The following TINAG variants were observed in gnomAD, a reference collection of about 807,000 sequenced individuals.
TINAG encodes tubulointerstitial nephritis antigen.
TINAG carries 83 observed loss-of-function variants against 72.7 expected under a neutral mutation model. That is an observed-to-expected ratio of 1.14 (90% CI 0.96 to 1.37). The LOEUF is 1.37. Among genes scored for constraint, TINAG ranks in the 40% most tolerant of loss-of-function variants. The pLI is 0.00. For missense variants in TINAG, 685 were observed against 576.6 expected (o/e 1.19, Z -1.93); for synonymous variants, 234 against 189.9 (o/e 1.23, Z -1.91).
chr6:54,308,905 G>A lies in TINAG; in HGVS notation c.355G>A (p.Gly119Ser). Reference protein sequence around the residue: ...PPHTQPWYPEGCFKDGQHYEE... With the variant: ...PPHTQPWYPESCFKDGQHYEE... Reference sequence around the variant, plus strand: ...TCACACACAGCCTTGGTATCCAGAAGGTAGGCTTTGGGAATGTGTTTCAAC... The same window carrying A: ...TCACACACAGCCTTGGTATCCAGAAAGTAGGCTTTGGGAATGTGTTTCAAC... Residue 119 changes from glycine (G) to serine (S), a missense_variant and splice_region_variant, in exon 1 of 11, where the codon GGT becomes AGT. Coordinates refer to ENST00000259782, the MANE Select transcript of TINAG (RefSeq NM_014464.4). 1 of 1,598,948 alleles carries A rather than the reference G, an allele frequency of 6.3e-7. No homozygotes were observed. Among genetic ancestry groups the A allele is most frequent in the Non-Finnish European group, 8.5e-7 (1 of 1,172,812 alleles).
chr6:54,366,878 A>G (rs1763443154), intron 9 of TINAG: 1 of 151,666 alleles, frequency 6.6e-6, no homozygotes, highest in African/African-American at 2.4e-5. Flanking sequence ...GAGATAGAAT[A>G]TGACATATTA....
intron 9 of TINAG, among the ~76,000 whole-genome samples, chr6:54,360,818 T>C (rs955784848): frequency 8.9e-5 from 13 of 146,760 alleles, no homozygotes; most frequent in South Asian, 6.6e-4. Flanking sequence ...GTGCTTTGGT[T>C]TCTTGTGTTT....
Position 54,347,603 on chromosome 6 carries a change from C to A in TINAG, c.899+86C>A. 6.5e-6 allele frequency: 9 copies of A among 1,375,956 alleles called. No individual in the cohort carries two copies. The Admixed American group carries it at 1.5e-4, about 23-fold the overall frequency. 85.2% of individuals were successfully genotyped at this position (1,375,956 alleles called of 1,614,324 possible). A position where few individuals can be genotyped will look rare whatever the true frequency, so the allele number is the denominator to read the frequency against. The stretch of plus-strand genomic sequence containing the variant: ...AAGGAAAATAATCCCAAGATTTTTA[C>A]AAAAAAGTACTTAAAAATATATATA... On this transcript the variant is annotated intron_variant, in intron 6 of 10. Coordinates refer to ENST00000259782, the MANE Select transcript of TINAG (RefSeq NM_014464.4).
In TINAG at chr6:54,350,815, A is replaced by G. The variant is rs1785248223; in HGVS notation, c.1081-537A>G. 7.9e-5 allele frequency among the ~76,000 whole-genome samples: 12 copies of G among 151,640 alleles called. No homozygotes were observed. In the Admixed American group the frequency reaches 7.9e-4, roughly 10 times the overall value. On this transcript the variant is annotated intron_variant, in intron 7 of 10. Coordinates refer to ENST00000259782, the MANE Select transcript of TINAG (RefSeq NM_014464.4). ...CTTATTAAATAATAATGAAATTAGTAGTGTCATTCAACCAAAATGTAAATA... is the reference window on the plus strand; with the variant it reads ...CTTATTAAATAATAATGAAATTAGTGGTGTCATTCAACCAAAATGTAAATA...
At chr6:54,356,478 A>G (rs1291011911) in intron 9 of TINAG, among the ~76,000 whole-genome samples, 2 of 152,064 alleles carry the variant, frequency 1.3e-5, no homozygotes, top group East Asian at 1.9e-4. Context: ...TGGAGGTTGC[A>G]GTGAGCTTAA....
At chr6:54,372,215 C>T (rs1000502307) in intron 9 of TINAG, among the ~76,000 whole-genome samples, 3 of 151,896 alleles carry the variant, frequency 2.0e-5, no homozygotes, top group African/African-American at 7.3e-5. Flanking sequence ...TGATCTCGAA[C>T]TCCTGACCTC....
chr6:54,376,323 C>T (rs1297565996), intron 9 of TINAG, among the ~76,000 whole-genome samples: 6 of 151,972 alleles, frequency 3.9e-5, no homozygotes, highest in African/African-American at 1.4e-4. Flanking sequence ...AAATATATGT[C>T]TTCTTTGGGC....
chr6:54,309,562 T>G (rs1297586828), intron 1 of TINAG, among the ~76,000 whole-genome samples: 1 of 152,188 alleles, frequency 6.6e-6, no homozygotes, highest in Non-Finnish European at 1.5e-5. Context: ...GTTAAATGGA[T>G]AAATACAATA....
At chr6:54,386,945 G>T (rs912128481) in intron 10 of TINAG, among the ~76,000 whole-genome samples, 3 of 152,088 alleles carry the variant, frequency 2.0e-5, no homozygotes, top group Non-Finnish European at 4.4e-5. Flanking sequence ...CTATTTAAAA[G>T]ACAGTATTAT....
Position 54,357,670 on chromosome 6 carries a change from G to A in TINAG, c.1250+3034G>A, listed in dbSNP as rs77792551. ...CACAACCTCTTTTGGCCCTTTCAAC[G>A]TATATCCAGAACTCAACCACTGTTT... On this transcript the variant is annotated intron_variant, in intron 9 of 10. Transcript: ENST00000259782. 8.8e-3 allele frequency among the ~76,000 whole-genome samples: 1,336 copies of A among 151,726 alleles called. 28 individuals are homozygous for A. Among genetic ancestry groups the A allele is most frequent in the East Asian group, 0.052 (264 of 5,114 alleles).
At chr6:54,349,107 A>T (rs552840166) in intron 6 of TINAG, among the ~76,000 whole-genome samples, 219 of 152,040 alleles carry the variant, frequency 1.4e-3, no homozygotes, top group Admixed American at 4.0e-3. Context: ...TAGATAATAC[A>T]CATGTCTGAT....
rs568373152 is a variant in TINAG, at chr6:54,366,395, G to GT, written c.1250+11766dup. Among the ~76,000 whole-genome samples the GT allele has an allele frequency of 1.7e-4, 26 of 151,498 alleles. No homozygotes were observed. The East Asian group carries it at 4.5e-3, about 26-fold the overall frequency. On this transcript the variant is annotated intron_variant, in intron 9 of 10. Transcript: ENST00000259782. Reference sequence around the variant, plus strand: ...ATTCTTTAGGATAAAAACAAATGCAGTTTTTTTAATATCTAAAATTATATT... The same window carrying GT: ...ATTCTTTAGGATAAAAACAAATGCAGTTTTTTTTAATATCTAAAATTATATT...
Position 54,308,518 on chromosome 6 carries a change from CGG to C in TINAG, c.-32_-31del. The C allele has an allele frequency of 6.4e-7, 1 of 1,561,100 alleles. No homozygotes were observed. The highest frequency in any genetic ancestry group is 2.2e-5 in the East Asian group (1 of 44,624). Reference sequence around the variant, plus strand: ...ACAAGGCTAAGGGTATTGGATATAACGGAAAGTGGAAGCTATACCTGACTTCC... The same window carrying C: ...ACAAGGCTAAGGGTATTGGATATAACAAAGTGGAAGCTATACCTGACTTCC... On this transcript the variant is annotated 5_prime_UTR_variant, in exon 1 of 11. Transcript: ENST00000259782.
At chr6:54,352,205 G>T (rs1785282471) in intron 8 of TINAG, among the ~76,000 whole-genome samples, 1 of 151,746 alleles carries the variant, frequency 6.6e-6, no homozygotes, top group Non-Finnish European at 1.5e-5. Context: ...TAAAAAATAG[G>T]CCAAAATTAA....
At position 54,339,861 on chromosome 6, in the gene TINAG, C is replaced by A. The variant is rs183499177; in HGVS notation, c.625-3365C>A. 1.4e-3 allele frequency among the ~76,000 whole-genome samples: 208 copies of A among 152,170 alleles called. 2 individuals are homozygous for A. Among genetic ancestry groups the A allele is most frequent in the Middle Eastern group, 0.01 (3 of 294 alleles). On this transcript the variant is annotated intron_variant, in intron 4 of 10. Transcript: ENST00000259782. ...GTTGCTTCATTTGGTTCTCAGGTCACTATAAGCATCCAAGCTTAAATGGGT... is the reference window on the plus strand; with the variant it reads ...GTTGCTTCATTTGGTTCTCAGGTCAATATAAGCATCCAAGCTTAAATGGGT...
At chr6:54,316,715 C>T (rs1053939039) in intron 1 of TINAG, among the ~76,000 whole-genome samples, 1 of 151,964 alleles carries the variant, frequency 6.6e-6, no homozygotes, top group African/African-American at 2.4e-5. Flanking sequence ...ACTTATAATA[C>T]ACTGTGATGA....
chr6:54,365,011 CTCTG>C (rs1285857999), intron 9 of TINAG, among the ~76,000 whole-genome samples: 2 of 151,176 alleles, frequency 1.3e-5, no homozygotes, highest in Non-Finnish European at 3.0e-5. Context: ...TTTCTTTTTC[CTCTG>C]TCTTTTTGAA....
chr6:54,313,686 T>A (rs1354531759), intron 1 of TINAG, among the ~76,000 whole-genome samples: 1 of 152,168 alleles, frequency 6.6e-6, no homozygotes, highest in African/African-American at 2.4e-5. Context: ...TAAATATTGT[T>A]TGAATTTGGA....
At chr6:54,374,551 A>T (rs144091268) in intron 9 of TINAG, among the ~76,000 whole-genome samples, 121 of 152,258 alleles carry the variant, frequency 7.9e-4, no homozygotes, top group African/African-American at 2.8e-3. Context: ...GAAGTTCCTA[A>T]GCATCTCAGG....
Sources: gnomAD v4.1 joint callset for allele counts (sites outside exome capture counted in the v4.1 genomes callset) on GRCh38, gnomAD v4.1.1 for gene constraint, MANE v1.5 for transcripts, NCBI Gene and HGNC (gene_info 2026-07-23, HGNC 2026-07-21) for gene names.